SLC7A11: variants seen among roughly 807,000 people sequenced by gnomAD.
SLC7A11 encodes solute carrier family 7 member 11.
In SLC7A11, 35 loss-of-function variants were observed where a neutral mutation model predicts 54.5. The observed-to-expected ratio is 0.64, with a 90% CI of 0.49 to 0.85. SLC7A11 has a LOEUF of 0.85. Among genes scored for constraint, SLC7A11 ranks in the 40% least tolerant of loss-of-function variants. The probability of loss-of-function intolerance (pLI) is 0.00; values close to 1 mark genes in which losing one functional copy is unlikely to be tolerated. For synonymous variants in SLC7A11, 230 were observed against 225.2 expected (o/e 1.02, Z -0.19); for missense variants, 583 against 618.1 (o/e 0.94, Z 0.60).
intron 2 of SLC7A11, among the ~76,000 whole-genome samples, chr4:138,234,196 A>ATATATTC (rs1198101141): frequency 2.0e-5 from 3 of 152,204 alleles, no homozygotes; most frequent in African/African-American, 7.2e-5. Flanking sequence ...GTGGAAACCC[A>ATATATTC]ATATATATTG....
chr4:138,169,395 C>A lies in SLC7A11; in HGVS notation c.*2561G>T, dbSNP rs1352710479. On this transcript the variant is annotated 3_prime_UTR_variant, in exon 12 of 12. Transcript: ENST00000280612. ...CCAAAATACTACTTAATCTCCATCA[C>A]TTTTTTTCTTAATTACTGGCTGACT... 1 of 152,044 alleles carries A rather than the reference C, an allele frequency of 6.6e-6. No homozygotes were observed. The highest frequency in any genetic ancestry group is 1.9e-4 in the East Asian group (1 of 5,186). The allele number at this position is 152,044 out of a possible 1,614,324, so 9.4% of individuals were successfully genotyped here.
chr4:138,239,423 G>A (rs1403658776), intron 1 of SLC7A11, among the ~76,000 whole-genome samples: 1 of 152,146 alleles, frequency 6.6e-6, no homozygotes, highest in Non-Finnish European at 1.5e-5. Context: ...TAAACCAAAT[G>A]TACAGATTCT....
In SLC7A11 at chr4:138,223,256, A is replaced by G. The variant is rs2148446037; in HGVS notation, c.589T>C (p.Cys197Arg). The change falls in exon 4 of 12, where the codon TGC becomes CGC. Residue 197 changes from cysteine to arginine, a missense_variant. Cys to Arg is a radical substitution (Grantham distance 180). Transcript: ENST00000280612. The stretch of plus-strand genomic sequence containing the variant: ...ATTATCAGAATTGCTGTGAGCTTGC[A>G]AAAGGTTAAGAAAATCTGGATCCGG... ...SARIQIFLTFCKLTAILIIIV... is the reference protein window; with the variant it reads ...SARIQIFLTFRKLTAILIIIV... The G allele has an allele frequency of 6.2e-7, 1 of 1,613,716 alleles. No individual in the cohort carries two copies. The highest frequency in any genetic ancestry group is 8.5e-7 in the Non-Finnish European group (1 of 1,179,606).
At chr4:138,182,621 T>G (rs1225359135) in intron 8 of SLC7A11, among the ~76,000 whole-genome samples, 1 of 152,160 alleles carries the variant, frequency 6.6e-6, no homozygotes, top group Non-Finnish European at 1.5e-5. Context: ...AGAGAAAGAA[T>G]AGCAATATCT....
intron 1 of SLC7A11, among the ~76,000 whole-genome samples, chr4:138,240,313 T>C (rs1490538949): frequency 1.3e-5 from 2 of 152,090 alleles, no homozygotes; most frequent in Non-Finnish European, 2.9e-5. Context: ...ATATCTGTAA[T>C]CCCAGCACTT....
intron 3 of SLC7A11, among the ~76,000 whole-genome samples, chr4:138,230,438 G>A (rs1399510179): frequency 4.0e-5 from 6 of 148,840 alleles, no homozygotes; most frequent in Non-Finnish European, 7.4e-5. Flanking sequence ...AAAAAATAAT[G>A]AAAAAGAATG....
chr4:138,219,227 G>T, intron 5 of SLC7A11, 39 bp downstream of exon 5: 2 of 1,155,922 alleles, frequency 1.7e-6, no homozygotes, highest in South Asian at 1.3e-5. Flanking sequence ...TGGGATTAAT[G>T]AACTACGCAA....
chr4:138,188,861 T>C (rs1473139941), intron 6 of SLC7A11, among the ~76,000 whole-genome samples: 1 of 152,210 alleles, frequency 6.6e-6, no homozygotes, highest in East Asian at 1.9e-4. Flanking sequence ...TAAGTTCTAT[T>C]CTTTCTCAAA....
In SLC7A11 at chr4:138,242,172, G is replaced by A. The variant is rs940406852; in HGVS notation, c.-103C>T. On this transcript the variant is annotated 5_prime_UTR_variant, in exon 1 of 12. Transcript: ENST00000280612. ...TGATCGATGTCTTCCTCTGCTTTCA[G>A]ACTGTCTCTCTCAGCGCTATAGTGT... 1.9e-5 allele frequency: 25 copies of A among 1,321,590 alleles called. No individual in the cohort carries two copies. The highest frequency in any genetic ancestry group is 2.9e-5 in the African/African-American group (2 of 68,294). The allele number at this position is 1,321,590 out of a possible 1,614,324, so 81.9% of individuals were successfully genotyped here.
At chr4:138,183,385 C>G in intron 7 of SLC7A11, 80 bp from the exon 8 acceptor site, 4 of 841,390 alleles carry the variant, frequency 4.8e-6, no homozygotes, top group South Asian at 1.5e-5. Context: ...CAAACTTGCT[C>G]TATGACTTTC....
intron 3 of SLC7A11, among the ~76,000 whole-genome samples, chr4:138,229,624 G>A (rs551076929): frequency 6.6e-6 from 1 of 152,118 alleles, no homozygotes; most frequent in African/African-American, 2.4e-5. Context: ...CCCCAATATG[G>A]TTATCCTTTC....
intron 6 of SLC7A11, among the ~76,000 whole-genome samples, chr4:138,214,255 T>G (rs1001272177): frequency 2.0e-5 from 3 of 152,040 alleles, no homozygotes; most frequent in African/African-American, 7.2e-5. Flanking sequence ...GTGGGTAGTT[T>G]AGAGTCCGTA....
intron 6 of SLC7A11, among the ~76,000 whole-genome samples, chr4:138,205,632 T>G (rs1392779625): frequency 1.3e-5 from 2 of 152,066 alleles, no homozygotes; most frequent in Non-Finnish European, 2.9e-5. Context: ...TAAGAAGTTT[T>G]TCACCAAGTA....
At chr4:138,233,188 CTTT>C (rs34001412) in intron 2 of SLC7A11, among the ~76,000 whole-genome samples, 1 of 142,460 alleles carries the variant, frequency 7.0e-6, no homozygotes, top group Non-Finnish European at 1.5e-5. Flanking sequence ...TATCTAATTT[CTTT>C]TTTTTTTTTT....
At position 138,183,166 on chromosome 4, in the gene SLC7A11, A is replaced by G; in HGVS notation, c.1019+36T>C. The G allele has an allele frequency of 2.8e-6, 4 of 1,432,172 alleles. No homozygotes were observed. In the South Asian group the frequency reaches 4.7e-5, roughly 17 times the overall value. 88.7% of individuals were successfully genotyped at this position (1,432,172 alleles called of 1,614,324 possible). A position where few individuals can be genotyped will look rare whatever the true frequency, so the allele number is the denominator to read the frequency against. Reference sequence around the variant, plus strand: ...CCTTATCACATCCAATCTCAAAAACAGAAATGTGTTTCTGGAAATACATGA... The same window carrying G: ...CCTTATCACATCCAATCTCAAAAACGGAAATGTGTTTCTGGAAATACATGA... On this transcript the variant is annotated intron_variant, in intron 8 of 11. Transcript: ENST00000280612.
At chr4:138,182,177 C>CCA in intron 9 of SLC7A11, 120 bp downstream of exon 9, 1 of 623,798 alleles carries the variant, frequency 1.6e-6, no homozygotes, top group Non-Finnish European at 2.9e-6. Context: ...CCAAACTCCA[C>CCA]CATGACATAC....
At chr4:138,224,916 A>G (rs1737907223) in intron 3 of SLC7A11, among the ~76,000 whole-genome samples, 1 of 151,908 alleles carries the variant, frequency 6.6e-6, no homozygotes, top group South Asian at 2.1e-4. Context: ...TTTATAAGTG[A>G]TAGAACACTA....
chr4:138,235,367 C>A (rs1392868145), intron 2 of SLC7A11, among the ~76,000 whole-genome samples: 9 of 151,444 alleles, frequency 5.9e-5, no homozygotes, highest in Non-Finnish European at 1.3e-4. Flanking sequence ...ATGAAAAAGC[C>A]TTCATGAAGC....
chr4:138,231,475 G>A (rs1738076822), intron 3 of SLC7A11, among the ~76,000 whole-genome samples: 1 of 152,114 alleles, frequency 6.6e-6, no homozygotes, highest in African/African-American at 2.4e-5. Context: ...AGTTATTCCT[G>A]TGTAGCTTTC....
Sources: gnomAD v4.1 joint callset for allele counts (sites outside exome capture counted in the v4.1 genomes callset) on GRCh38, gnomAD v4.1.1 for gene constraint, MANE v1.5 for transcripts, NCBI Gene and HGNC (gene_info 2026-07-23, HGNC 2026-07-21) for gene names.